The following PSD variants were observed in gnomAD, a reference collection of about 807,000 sequenced individuals.
PSD encodes pleckstrin and Sec7 domain containing.
In PSD, 32 loss-of-function variants were observed where a neutral mutation model predicts 91.6. That is an observed-to-expected ratio of 0.35 (90% CI 0.26 to 0.47). The LOEUF is 0.47. Ranked by LOEUF, PSD falls within the 20% of genes least tolerant of loss-of-function variation. The probability of loss-of-function intolerance (pLI) is 1.00; values close to 1 mark genes in which losing one functional copy is unlikely to be tolerated. For missense variants in PSD, 1,099 were observed against 1,373.9 expected, an observed-to-expected ratio of 0.80 and a Z score of 3.16; for synonymous variants, 532 against 569.3, an observed-to-expected ratio of 0.93 and a Z score of 0.93.
intron 10 of PSD, among the ~76,000 whole-genome samples, chr10:102,408,259 A>G (rs1384360037): frequency 6.6e-6 from 1 of 152,096 alleles, no homozygotes; most frequent in Non-Finnish European, 1.5e-5. Flanking sequence ...CTGTGATGGG[A>G]CACAGCCTCC....
chr10:102,411,531 C>A (rs2061424658), intron 8 of PSD, among the ~76,000 whole-genome samples, 176 bp downstream of exon 8: 1 of 152,208 alleles, frequency 6.6e-6, no homozygotes, highest in Non-Finnish European at 1.5e-5. Context: ...ATGTATAGTT[C>A]CACATACATG....
At chr10:102,415,795 C>T (rs1004596266) in intron 3 of PSD, among the ~76,000 whole-genome samples, 12 of 152,198 alleles carry the variant, frequency 7.9e-5, no homozygotes, top group African/African-American at 2.9e-4. Context: ...TCCTTCTGTC[C>T]CCTCCCTCCA....
rs1034427053 is a variant in PSD, at chr10:102,416,698, A to G, written c.341T>C (p.Leu114Pro). ...GCCCCCTGGAGCAGGTAGCCCATTC[A>G]GTGGCCTCACACTGGCCTTCTCCAC... is the stretch of plus-strand genomic sequence containing the variant. ...RFVEKASVRP[L>P]NGLPAPGGLS... Residue 114 changes from leucine (L) to proline (P), a missense_variant, in exon 2 of 17, where the codon CTG becomes CCG. Leu to Pro is a moderately conservative substitution (Grantham distance 98, BLOSUM62 -3). This residue lies in a region of PSD where 631 missense variants were observed against 728.8 expected (regional missense o/e 0.87). Coordinates refer to ENST00000020673, the MANE Select transcript of PSD (RefSeq NM_002779.5). The surrounding 1 kb of genome is among the most constrained non-coding windows in gnomAD (Gnocchi z 6.0). The G allele has an allele frequency of 5.6e-6, 9 of 1,605,928 alleles. No individual in the cohort carries two copies. The highest frequency in any genetic ancestry group is 7.7e-6 in the Non-Finnish European group (9 of 1,176,418).
At chr10:102,411,178 C>A in intron 8 of PSD, 62 bp from the exon 9 acceptor site, 1 of 1,490,462 alleles carries the variant, frequency 6.7e-7, no homozygotes, top group Non-Finnish European at 9.1e-7. Flanking sequence ...CAGCCATCTT[C>A]CCCAACCTCC....
rs1486933415 is a variant in PSD, at chr10:102,405,842, C to G, written c.2136-306G>C. 9.8e-5 allele frequency: 30 copies of G among 306,424 alleles called. No individual in the cohort carries two copies. In the East Asian group the frequency reaches 1.5e-3, roughly 16 times the overall value. The allele number at this position is 306,424 out of a possible 1,614,324, so 19.0% of individuals were successfully genotyped here. Reference sequence around the variant, plus strand: ...CTGCAGCCCTCACACCCTTCTCCACCAGGACAGCCCCGGGCCTGCCTCCGC... The same window carrying G: ...CTGCAGCCCTCACACCCTTCTCCACGAGGACAGCCCCGGGCCTGCCTCCGC... On this transcript the variant is annotated intron_variant, in intron 11 of 16. Transcript: ENST00000020673. The surrounding 1 kb of genome is among the most constrained non-coding windows in gnomAD (Gnocchi z 5.4).
chr10:102,419,009 C>T, upstream of PSD: 1 of 329,056 alleles, frequency 3.0e-6, no homozygotes, highest in South Asian at 2.2e-5. The surrounding 1 kb of genome is among the most constrained non-coding windows in gnomAD (Gnocchi z 4.8). Flanking sequence ...CAGACCCTCA[C>T]GTGCCCCACC....
Position 102,410,727 on chromosome 10 carries a change from C to G in PSD, c.2091+131G>C. Reference sequence around the variant, plus strand: ...CGGTCCCCAGGCTGAGTCACGAGAGCCCGGGCTTCCGTGGCAGGAGCCGGG... The same window carrying G: ...CGGTCCCCAGGCTGAGTCACGAGAGGCCGGGCTTCCGTGGCAGGAGCCGGG... On this transcript the variant is annotated intron_variant, in intron 10 of 16. Transcript: ENST00000020673. This position sits in a 1 kb window ranked among gnomAD's most constrained non-coding sequence, Gnocchi z 6.0. 1 of 749,598 alleles carries G rather than the reference C, an allele frequency of 1.3e-6. No individual in the cohort carries two copies. Among genetic ancestry groups the G allele is most frequent in the South Asian group, 1.6e-5 (1 of 63,944 alleles). 46.4% of individuals were successfully genotyped at this position (749,598 alleles called of 1,614,324 possible). A position where few individuals can be genotyped will look rare whatever the true frequency, so the allele number is the denominator to read the frequency against.
In PSD at chr10:102,411,828, G is replaced by A; in HGVS notation, c.1830-9C>T. 1 of 1,603,802 alleles carries A rather than the reference G, an allele frequency of 6.2e-7. No homozygotes were observed. The highest frequency in any genetic ancestry group is 8.5e-7 in the Non-Finnish European group (1 of 1,173,438). ...GCTCCTTCAGAAACACCCTGGAGAA[G>A]GGGCAAGAGAGGGTTGCCTAGCAAC... On this transcript the variant is annotated splice_polypyrimidine_tract_variant and intron_variant, in intron 7 of 16. Transcript: ENST00000020673.
chr10:102,412,425 T>G lies in PSD; in HGVS notation c.1704A>C (p.Leu568=). 1 of 1,614,218 alleles carries G rather than the reference T, an allele frequency of 6.2e-7. No individual in the cohort carries two copies. The highest frequency in any genetic ancestry group is 8.5e-7 in the Non-Finnish European group (1 of 1,180,026). ...CCACATCGGCCTTCCTGAAGCCATC[T>G]AGTCGGTACAGCCTCTTGGCCAGGC... The part of the protein sequence containing the change: ...AQRLAKRLYR[L]DGFRKADVAR... Residue 568 remains leucine, a synonymous_variant, in exon 6 of 17, where the codon CTA becomes CTC. Transcript: ENST00000020673.
intron 8 of PSD, 36 bp downstream of exon 8, chr10:102,411,671 C>T (rs2061426107): frequency 6.4e-7 from 1 of 1,550,600 alleles, no homozygotes; most frequent in Non-Finnish European, 8.8e-7. Flanking sequence ...GCCACTGTGG[C>T]CAGCTAAGGA....
At chr10:102,407,146 C>G in intron 11 of PSD, 77 bp downstream of exon 11, 1 of 1,413,586 alleles carries the variant, frequency 7.1e-7, no homozygotes, top group Non-Finnish European at 9.6e-7. Context: ...CAGGGCCTAC[C>G]CCAGCTCTCT....
rs757975126 is a variant in PSD at position 102,403,212 on chromosome 10, C to T, written c.3063G>A (p.Arg1021=). 1 of 1,567,478 alleles carries T rather than the reference C, an allele frequency of 6.4e-7. No individual in the cohort carries two copies. Among genetic ancestry groups the T allele is most frequent in the South Asian group, 1.2e-5 (1 of 84,460 alleles). The change falls in exon 17 of 17, where the codon CGG becomes CGA. Residue 1021 remains arginine, a synonymous_variant. Coordinates refer to ENST00000020673, the MANE Select transcript of PSD (RefSeq NM_002779.5). The surrounding 1 kb of genome is among the most constrained non-coding windows in gnomAD (Gnocchi z 6.7). ...CCTAAACCTCATCTCAGGGCTTCCG[C>T]CGCCCACTGCCTGCCCCTGGCCGAG... ...SEPRPGAGSG[R]RKP
Position 102,409,079 on chromosome 10 carries a change from T to C in PSD, c.2091+1779A>G. On this transcript the variant is annotated intron_variant, in intron 10 of 16. Transcript: ENST00000020673. The surrounding 1 kb of genome is among the most constrained non-coding windows in gnomAD (Gnocchi z 5.7). ...CCGCCCGGCGCTGCTGTGGATGCTG[T>C]TGACGCCGATCATGCTGGCCCGGCC... The C allele has an allele frequency of 2.0e-6, 2 of 984,756 alleles. No individual in the cohort carries two copies. The highest frequency in any genetic ancestry group is 2.4e-6 in the Non-Finnish European group (2 of 829,662). The allele number at this position is 984,756 out of a possible 1,614,324, so 61.0% of individuals were successfully genotyped here. A position where few individuals can be genotyped will look rare whatever the true frequency, so the allele number is the denominator to read the frequency against.
Position 102,413,959 on chromosome 10 carries a change from G to A in PSD, c.1363C>T (p.Pro455Ser). 4 of 1,613,972 alleles carry A rather than the reference G, an allele frequency of 2.5e-6. No individual in the cohort carries two copies. The highest frequency in any genetic ancestry group is 3.4e-6 in the Non-Finnish European group (4 of 1,179,862). Residue 455 changes from proline to serine, a missense_variant, in exon 5 of 17, where the codon CCA becomes TCA. Physicochemically the swap from Pro to Ser is moderately conservative, Grantham distance 74. Coordinates refer to ENST00000020673, the MANE Select transcript of PSD (RefSeq NM_002779.5). The part of the protein sequence containing the change: ...PPQPPAPRPD[P>S]PAPAPLAPLE... ...GGGGCAAGTGGGGCGGGAGCTGGTG[G>A]GTCGGGCCGGGGTGCAGGGGGTTGG...
chr10:102,415,352 C>G (rs1335877268), intron 3 of PSD, 123 bp from the exon 4 acceptor site: 1 of 1,182,590 alleles, frequency 8.5e-7, no homozygotes, highest in South Asian at 1.9e-5. Flanking sequence ...GTCTAGCCAC[C>G]ATTCCTCCTG....
In PSD at chr10:102,405,050, C is replaced by T. The variant is rs1260255021; in HGVS notation, c.2403G>A (p.Glu801=). The change falls in exon 14 of 17, where the codon GAG becomes GAA. Residue 801 remains glutamate (E), a synonymous_variant. Coordinates refer to ENST00000020673, the MANE Select transcript of PSD (RefSeq NM_002779.5). The surrounding 1 kb of genome is among the most constrained non-coding windows in gnomAD (Gnocchi z 5.4). ...KGMILYLQKE[E]YKPGKALSET... ...CTGAAAGGGCCTTCCCAGGCTTGTA[C>T]TCCTCCTGCAGGGGTGTCCATCTTG... 2 of 1,613,898 alleles carry T rather than the reference C, an allele frequency of 1.2e-6. No individual in the cohort carries two copies. Among genetic ancestry groups the T allele is most frequent in the South Asian group, 1.1e-5 (1 of 91,076 alleles).
chr10:102,415,922 G>A (rs946964835), intron 3 of PSD, 95 bp downstream of exon 3: 8 of 874,020 alleles, frequency 9.2e-6, no homozygotes, highest in Admixed American at 2.6e-5. Context: ...CAATTCCAAG[G>A]ATTGGGGGAA....
chr10:102,408,849 C>T lies in PSD; in HGVS notation c.2092-1583G>A, dbSNP rs924074618. 7 of 983,626 alleles carry T rather than the reference C, an allele frequency of 7.1e-6. No homozygotes were observed. The African/African-American group carries it at 1.0e-4, about 15-fold the overall frequency. 60.9% of individuals were successfully genotyped at this position (983,626 alleles called of 1,614,324 possible). A position where few individuals can be genotyped will look rare whatever the true frequency, so the allele number is the denominator to read the frequency against. On this transcript the variant is annotated intron_variant, in intron 10 of 16. Coordinates refer to ENST00000020673, the MANE Select transcript of PSD (RefSeq NM_002779.5). ...CGGTGCCTCCCACAAGCCGCCCCCT[C>T]GGTCGCCCCGCAACCTGGCGTGGGC...
intron 1 of PSD, among the ~76,000 whole-genome samples, chr10:102,418,083 A>G (rs370446406): frequency 7.1e-6 from 1 of 141,132 alleles, no homozygotes; most frequent in African/African-American, 2.5e-5. Context: ...ACACACACAC[A>G]CACACACGCA....
Sources: gnomAD v4.1 joint callset for allele counts (sites outside exome capture counted in the v4.1 genomes callset) on GRCh38, gnomAD v4.1.1 for gene constraint, gnomAD v4.1.1 regional missense constraint, Gnocchi (gnomAD v3.1) non-coding constraint, MANE v1.5 for transcripts, NCBI Gene and HGNC (gene_info 2026-07-23, HGNC 2026-07-21) for gene names.